The following KCNQ1 variants were observed in gnomAD, a reference collection of about 807,000 sequenced individuals.
The protein encoded by KCNQ1 is potassium voltage-gated channel subfamily Q member 1, also known as potassium voltage-gated channel subfamily KQT member 1.
In KCNQ1, 49 loss-of-function variants were observed where a neutral mutation model predicts 72.4. The observed-to-expected ratio is 0.68, with a 90% CI of 0.54 to 0.86. The LOEUF is 0.86. Ranked by LOEUF, KCNQ1 falls within the 40% of genes least tolerant of loss-of-function variation. The pLI is 0.00. For missense variants in KCNQ1, 790 were observed against 945.1 expected, an observed-to-expected ratio of 0.84 and a Z score of 2.15; for synonymous variants, 450 against 412.6, an observed-to-expected ratio of 1.09 and a Z score of -1.10.
chr11:2,571,543 C>A, intron 4 of KCNQ1, 140 bp downstream of exon 4: 1 of 742,076 alleles, frequency 1.3e-6, no homozygotes, highest in Non-Finnish European at 2.4e-6. Flanking sequence ...GGCACTGAGC[C>A]ATGTGCTGGG....
chr11:2,692,583 C>T (rs1850606382), intron 11 of KCNQ1: 3 of 398,656 alleles, frequency 7.5e-6, no homozygotes, highest in South Asian at 1.3e-4. Flanking sequence ...GTTTTTCAGA[C>T]CCCAGGCTAG....
At chr11:2,731,347 G>T (rs1274935824) in intron 11 of KCNQ1, among the ~76,000 whole-genome samples, 2 of 152,236 alleles carry the variant, frequency 1.3e-5, no homozygotes, top group Non-Finnish European at 2.9e-5. Context: ...CCCACAGTCG[G>T]CATGCCAGAC....
chr11:2,605,769 A>G (rs918100475), intron 10 of KCNQ1, among the ~76,000 whole-genome samples: 3 of 152,186 alleles, frequency 2.0e-5, no homozygotes, highest in African/African-American at 7.2e-5. Flanking sequence ...GGTCCTTTGC[A>G]TTTTCATATG....
rs571553079 is a variant in KCNQ1 at position 2,724,152 on chromosome 11, G to A, written c.1515-44692G>A. On this transcript the variant is annotated intron_variant, in intron 11 of 15. Coordinates refer to ENST00000155840, the MANE Select transcript of KCNQ1 (RefSeq NM_000218.3). This position sits in a 1 kb window ranked among gnomAD's most constrained non-coding sequence, Gnocchi z 6.8. ...TCTGGTAAGATCGCCAGGGGGCCGC[G>A]ACAAGGAGACCAGGAAGGAAAGACA... is the stretch of plus-strand genomic sequence containing the variant. Among the ~76,000 whole-genome samples the A allele has an allele frequency of 2.6e-5, 4 of 152,254 alleles. No homozygotes were observed. The highest frequency in any genetic ancestry group is 7.2e-5 in the African/African-American group (3 of 41,526).
intron 11 of KCNQ1, among the ~76,000 whole-genome samples, chr11:2,702,576 G>A (rs1850834176): frequency 6.6e-6 from 1 of 152,154 alleles, no homozygotes. Flanking sequence ...GCCTGGATGG[G>A]GACATATCTT....
At chr11:2,522,888 ACT>A (rs145248749) in intron 1 of KCNQ1, among the ~76,000 whole-genome samples, 3,467 of 152,162 alleles carry the variant, frequency 0.023, 113 homozygotes, top group African/African-American at 0.072. Flanking sequence ...TTGGGTGCAC[ACT>A]CTGTGGGGGC....
intron 1 of KCNQ1, among the ~76,000 whole-genome samples, chr11:2,449,527 T>G (rs764065972): frequency 6.6e-6 from 1 of 152,092 alleles, no homozygotes; most frequent in Non-Finnish European, 1.5e-5. Context: ...GCACGTCAGC[T>G]GCTGCTATGA....
chr11:2,846,392 C>T (rs1009053508), intron 15 of KCNQ1, among the ~76,000 whole-genome samples: 2 of 152,206 alleles, frequency 1.3e-5, no homozygotes, highest in South Asian at 4.1e-4. Flanking sequence ...CCTCCAGGTA[C>T]CCACGGTGGG....
chr11:2,563,722 G>A lies in KCNQ1; in HGVS notation c.478-6906G>A, dbSNP rs553311285. Among the ~76,000 whole-genome samples the A allele has an allele frequency of 8.5e-5, 13 of 152,252 alleles. No individual in the cohort carries two copies. Among genetic ancestry groups the A allele is most frequent in the Non-Finnish European group, 1.8e-4 (12 of 68,018 alleles). ...TCAACATAAGTCTTGTCAGCGTTCC[G>A]ATGAAACAAGATTAGGGGAATTTTA... On this transcript the variant is annotated intron_variant, in intron 2 of 15. Coordinates refer to ENST00000155840, the MANE Select transcript of KCNQ1 (RefSeq NM_000218.3). This position sits in a 1 kb window ranked among gnomAD's most constrained non-coding sequence, Gnocchi z 7.4.
rs543520772 is a variant in KCNQ1, at chr11:2,616,736, G to A, written c.1393+27882G>A. 4.5e-5 allele frequency: 18 copies of A among 398,154 alleles called. No individual in the cohort carries two copies. The East Asian group carries it at 5.7e-4, about 13-fold the overall frequency. 24.7% of individuals were successfully genotyped at this position (398,154 alleles called of 1,614,324 possible). A position where few individuals can be genotyped will look rare whatever the true frequency, so the allele number is the denominator to read the frequency against. On this transcript the variant is annotated intron_variant, in intron 10 of 15. Transcript: ENST00000155840. Reference sequence around the variant, plus strand: ...TACAGATTTCTGGCCTCACTATATTGTAGTTAGAGAAGATATTTTGTATGA... The same window carrying A: ...TACAGATTTCTGGCCTCACTATATTATAGTTAGAGAAGATATTTTGTATGA...
intron 2 of KCNQ1, among the ~76,000 whole-genome samples, chr11:2,540,743 C>T (rs766268513): frequency 1.4e-4 from 22 of 152,222 alleles, no homozygotes; most frequent in Non-Finnish European, 3.1e-4. Context: ...CAGCTTTGTG[C>T]CCTCTAGGGT....
chr11:2,445,441 G>A lies in KCNQ1; in HGVS notation c.343G>A (p.Glu115Lys), dbSNP rs794728553. Residue 115 changes from glutamate (E) to lysine (K), a missense_variant, in exon 1 of 16, where the codon GAG becomes AAG. Transcript: ENST00000155840. ...HVQGRVYNFLERPTGWKCFVY... is the reference protein window; with the variant it reads ...HVQGRVYNFLKRPTGWKCFVY... ...CCAGGGCCGCGTCTACAACTTCCTCGAGCGTCCCACCGGCTGGAAATGCTT... is the reference window on the plus strand; with the variant it reads ...CCAGGGCCGCGTCTACAACTTCCTCAAGCGTCCCACCGGCTGGAAATGCTT... 6.3e-7 allele frequency: 1 copy of A among 1,597,438 alleles called. No individual in the cohort carries two copies. Among genetic ancestry groups the A allele is most frequent in the African/African-American group, 1.3e-5 (1 of 74,914 alleles).
At position 2,745,881 on chromosome 11, in the gene KCNQ1, TTTTTGTTTTG is replaced by T. The variant is rs1328344152; in HGVS notation, c.1515-22948_1515-22939del. Among the ~76,000 whole-genome samples the T allele has an allele frequency of 1.3e-5, 2 of 152,080 alleles. No homozygotes were observed. The highest frequency in any genetic ancestry group is 4.8e-5 in the African/African-American group (2 of 41,426). On this transcript the variant is annotated intron_variant, in intron 11 of 15. Coordinates refer to ENST00000155840, the MANE Select transcript of KCNQ1 (RefSeq NM_000218.3). The surrounding 1 kb of genome is among the most constrained non-coding windows in gnomAD (Gnocchi z 6.2). ...CCTCTTCTCCCTCACTACTATTTGG[TTTTTGTTTTG>T]TTTTGTTTTGTTTTTTGAGATGGAG... is the stretch of plus-strand genomic sequence containing the variant.
intron 6 of KCNQ1, among the ~76,000 whole-genome samples, chr11:2,581,750 C>T (rs779496204): frequency 6.6e-6 from 1 of 152,252 alleles, no homozygotes; most frequent in Admixed American, 6.5e-5. Flanking sequence ...GACACGTGCA[C>T]GTGTGGAGCA....
intron 2 of KCNQ1, among the ~76,000 whole-genome samples, chr11:2,560,643 C>G (rs959322965): frequency 2.6e-5 from 4 of 152,024 alleles, no homozygotes; most frequent in Non-Finnish European, 5.9e-5. Context: ...CCTCAGCCTC[C>G]CCTTCCACAC....
chr11:2,668,827 T>C lies in KCNQ1; in HGVS notation c.1514+6746T>C, dbSNP rs1378603411. The C allele has an allele frequency of 2.5e-6, 1 of 398,508 alleles. No homozygotes were observed. The highest frequency in any genetic ancestry group is 2.1e-5 in the African/African-American group (1 of 48,630). The allele number at this position is 398,508 out of a possible 1,614,324, so 24.7% of individuals were successfully genotyped here. A position where few individuals can be genotyped will look rare whatever the true frequency, so the allele number is the denominator to read the frequency against. On this transcript the variant is annotated intron_variant, in intron 11 of 15. Transcript: ENST00000155840. This position sits in a 1 kb window ranked among gnomAD's most constrained non-coding sequence, Gnocchi z 4.3. ...TCATGTGGTCCAGTTAATCAAACAT[T>C]TCCTCTCTGGATAGGGCTGTTTGTG...
intron 15 of KCNQ1, among the ~76,000 whole-genome samples, chr11:2,841,101 G>A (rs937496300): frequency 1.1e-4 from 17 of 152,202 alleles, no homozygotes; most frequent in African/African-American, 2.4e-5. Flanking sequence ...TCAGGGAGTG[G>A]TGAAGGCTTA....
chr11:2,596,480 G>A (rs1848734582), intron 10 of KCNQ1, among the ~76,000 whole-genome samples: 1 of 151,720 alleles, frequency 6.6e-6, no homozygotes, highest in African/African-American at 2.4e-5. Flanking sequence ...CAAAGTTGTA[G>A]TATATTCCTA....
chr11:2,645,507 T>G lies in KCNQ1; in HGVS notation c.1394-16454T>G. ...ATGCTCATGTTGGGGCAGCAGCAAC[T>G]CTATTGCAGCCCTACTCCTGGGGAA... On this transcript the variant is annotated intron_variant, in intron 10 of 15. Coordinates refer to ENST00000155840, the MANE Select transcript of KCNQ1 (RefSeq NM_000218.3). The surrounding 1 kb of genome is among the most constrained non-coding windows in gnomAD (Gnocchi z 5.8). 1 of 398,720 alleles carries G rather than the reference T, an allele frequency of 2.5e-6. No individual in the cohort carries two copies. The highest frequency in any genetic ancestry group is 4.4e-6 in the Non-Finnish European group (1 of 226,182). The allele number at this position is 398,720 out of a possible 1,614,324, so 24.7% of individuals were successfully genotyped here. A position where few individuals can be genotyped will look rare whatever the true frequency, so the allele number is the denominator to read the frequency against.
Sources: allele counts gnomAD v4.1 joint callset (sites outside exome capture counted in the v4.1 genomes callset), GRCh38; gene constraint gnomAD v4.1.1; non-coding constraint Gnocchi (gnomAD v3.1); transcripts MANE v1.5; gene names NCBI Gene and HGNC (gene_info 2026-07-23, HGNC 2026-07-21).